ENTREP2: variants seen among roughly 807,000 people sequenced by gnomAD.
ENTREP2 encodes the protein protein ENTREP2.
At chr15:29,420,715 G>T in the ENTREP2 span, among the ~76,000 whole-genome samples, 1 of 152,154 alleles carries the variant, frequency 6.6e-6, no homozygotes, top group Non-Finnish European at 1.5e-5. Flanking sequence ...GGGAAGGAGG[G>T]CTAAGATAAG....
chr15:29,276,568 C>T, the ENTREP2 span, among the ~76,000 whole-genome samples: 15 of 152,312 alleles, frequency 9.8e-5, no homozygotes, highest in African/African-American at 3.4e-4. Flanking sequence ...AGCTCACAAG[C>T]TGAGGGGTGA....
chr15:29,234,690 C>G, the ENTREP2 span: 1 of 1,552,578 alleles, frequency 6.4e-7, no homozygotes, highest in Non-Finnish European at 8.9e-7. Context: ...TCATTGGGTA[C>G]AGTCATAATC....
At chr15:29,512,090 A>T in the ENTREP2 span, among the ~76,000 whole-genome samples, 1 of 151,972 alleles carries the variant, frequency 6.6e-6, no homozygotes, top group Non-Finnish European at 1.5e-5. Context: ...ATGGTAAATA[A>T]ACATTATTTT....
the ENTREP2 span, among the ~76,000 whole-genome samples, chr15:29,543,519 G>A: frequency 2.1e-5 from 3 of 140,400 alleles, no homozygotes; most frequent in Admixed American, 1.4e-4. Flanking sequence ...AGTGGCTCAC[G>A]CCTGTAATCC....
the ENTREP2 span, among the ~76,000 whole-genome samples, chr15:29,475,474 C>A: frequency 6.6e-6 from 1 of 152,140 alleles, no homozygotes; most frequent in Non-Finnish European, 1.5e-5. Context: ...ACTCACCGCA[C>A]CTTGGAATGC....
At chr15:29,281,481 C>T in the ENTREP2 span, among the ~76,000 whole-genome samples, 1 of 152,118 alleles carries the variant, frequency 6.6e-6, no homozygotes, top group Non-Finnish European at 1.5e-5. Context: ...GAAAACTTTC[C>T]TGTTCTACTG....
At chr15:29,496,101 G>T in the ENTREP2 span, among the ~76,000 whole-genome samples, 3 of 151,640 alleles carry the variant, frequency 2.0e-5, no homozygotes, top group Non-Finnish European at 2.9e-5. Flanking sequence ...CATAGTTTTT[G>T]GTGTATAGAT....
the ENTREP2 span, among the ~76,000 whole-genome samples, chr15:29,632,133 A>G: frequency 6.6e-6 from 1 of 152,180 alleles, no homozygotes; most frequent in African/African-American, 2.4e-5. Flanking sequence ...AGGCTTCTCT[A>G]GCACCCAGTC....
the ENTREP2 span, among the ~76,000 whole-genome samples, chr15:29,258,778 A>C: frequency 6.6e-6 from 1 of 152,060 alleles, no homozygotes; most frequent in Non-Finnish European, 1.5e-5. Context: ...CCACCATTCT[A>C]CTTTCTGTCC....
chr15:29,612,322 C>G, the ENTREP2 span, among the ~76,000 whole-genome samples: 211 of 152,246 alleles, frequency 1.4e-3, no homozygotes, highest in African/African-American at 4.9e-3. Flanking sequence ...CAGGGAGAAG[C>G]TACTCTCACT....
chr15:29,502,135 A>G, the ENTREP2 span, among the ~76,000 whole-genome samples: 1 of 151,990 alleles, frequency 6.6e-6, no homozygotes, highest in African/African-American at 2.4e-5. Flanking sequence ...CCTACAATTC[A>G]TATGGAAATT....
the ENTREP2 span, among the ~76,000 whole-genome samples, chr15:29,241,220 G>A: frequency 1.3e-5 from 2 of 152,138 alleles, no homozygotes; most frequent in Non-Finnish European, 2.9e-5. Context: ...CAGAGGGGAT[G>A]GGCTAACCGC....
chr15:29,317,824 G>C, the ENTREP2 span, among the ~76,000 whole-genome samples: 3 of 152,126 alleles, frequency 2.0e-5, no homozygotes, highest in Non-Finnish European at 4.4e-5. Context: ...ACCCGGGTGG[G>C]ATGAAGAGAA....
chr15:29,544,639 C>G, the ENTREP2 span, among the ~76,000 whole-genome samples: 1 of 152,058 alleles, frequency 6.6e-6, no homozygotes, highest in Non-Finnish European at 1.5e-5. Flanking sequence ...GGAAAGCCTT[C>G]GTAACCCCTC....
the ENTREP2 span, chr15:29,122,520 A>AATCGG: frequency 3.9e-5 from 6 of 152,150 alleles, no homozygotes; most frequent in Non-Finnish European, 8.8e-5. Flanking sequence ...GTGAGCTCAG[A>AATCGG]CACAAAGGAG....
At chr15:29,484,143 T>C in the ENTREP2 span, among the ~76,000 whole-genome samples, 405 of 152,286 alleles carry the variant, frequency 2.7e-3, 3 homozygotes, top group African/African-American at 9.0e-3. Flanking sequence ...TTTTACAATA[T>C]AGGTTGAAAG....
At chr15:29,531,700 C>A in the ENTREP2 span, among the ~76,000 whole-genome samples, 1 of 152,242 alleles carries the variant, frequency 6.6e-6, no homozygotes, top group South Asian at 2.1e-4. Flanking sequence ...GGGTCTCACT[C>A]TGTCACCTAG....
the ENTREP2 span, among the ~76,000 whole-genome samples, chr15:29,125,111 G>A: frequency 6.6e-6 from 1 of 152,222 alleles, no homozygotes; most frequent in African/African-American, 2.4e-5. Flanking sequence ...AGAGGGGACA[G>A]AGGCGTCAGG....
the ENTREP2 span, among the ~76,000 whole-genome samples, chr15:29,185,750 C>T: frequency 6.6e-6 from 1 of 151,766 alleles, no homozygotes; most frequent in Admixed American, 6.6e-5. Flanking sequence ...TTAGTAGAGA[C>T]AGGGTTTTGC....
Sources: allele counts gnomAD v4.1 joint callset (sites outside exome capture counted in the v4.1 genomes callset), GRCh38; gene constraint gnomAD v4.1.1; transcripts MANE v1.5; gene names NCBI Gene and HGNC (gene_info 2026-07-23, HGNC 2026-07-21).